The following CLVS1 variants were observed in gnomAD, a reference collection of about 807,000 sequenced individuals.
The protein encoded by CLVS1 is clavesin-1.
CLVS1 carries 10 observed loss-of-function variants against 33.1 expected under a neutral mutation model. The observed-to-expected ratio is 0.30, with a 90% confidence interval of 0.19 to 0.51. The LOEUF (loss-of-function observed/expected upper bound fraction) is 0.51. Among genes scored for constraint, CLVS1 ranks in the 20% least tolerant of loss-of-function variants. CLVS1 has a pLI of 0.97. For synonymous variants in CLVS1, 163 were observed against 166.1 expected (o/e 0.98, Z 0.14); for missense variants, 343 against 433.4 (o/e 0.79, Z 1.85).
At chr8:61,482,915 C>T (rs1027987182) in intron 5 of CLVS1, among the ~76,000 whole-genome samples, 3 of 150,488 alleles carry the variant, frequency 2.0e-5, no homozygotes, top group Non-Finnish European at 4.5e-5. Context: ...CACAACATAC[C>T]AGAATCTCTG....
chr8:61,460,988 G>A (rs1048329471), intron 5 of CLVS1, among the ~76,000 whole-genome samples: 1 of 152,190 alleles, frequency 6.6e-6, no homozygotes, highest in African/African-American at 2.4e-5. Flanking sequence ...TGAGCACAAT[G>A]GTTTTGGCAC....
intron 1 of CLVS1, among the ~76,000 whole-genome samples, chr8:61,108,400 C>T (rs113159600): frequency 1.3e-3 from 198 of 152,162 alleles, no homozygotes; most frequent in African/African-American, 4.3e-3. Context: ...GACAACTAGT[C>T]GATTTTGCAA....
At chr8:61,008,696 A>G in the CLVS1 span, among the ~76,000 whole-genome samples, 2 of 152,140 alleles carry the variant, frequency 1.3e-5, no homozygotes, top group African/African-American at 4.8e-5. Context: ...AGAAACAGAG[A>G]TGTTAGAGAT....
chr8:61,259,049 G>C (rs556944054), intron 2 of CLVS1, among the ~76,000 whole-genome samples: 14 of 152,148 alleles, frequency 9.2e-5, no homozygotes, highest in African/African-American at 3.1e-4. Context: ...AGAATTCTAT[G>C]GTCAAACTAC....
chr8:61,270,761 G>T (rs981768355), intron 2 of CLVS1, among the ~76,000 whole-genome samples: 1 of 152,110 alleles, frequency 6.6e-6, no homozygotes, highest in Non-Finnish European at 1.5e-5. Context: ...ATGTGTCGAG[G>T]AATTTATCCA....
chr8:61,445,691 G>T (rs2129606489), intron 3 of CLVS1, among the ~76,000 whole-genome samples: 1 of 152,294 alleles, frequency 6.6e-6, no homozygotes, highest in Middle Eastern at 3.4e-3. Context: ...AAACCAACTG[G>T]AAAGTGTTAC....
chr8:61,182,874 A>G (rs1335587353), intron 2 of CLVS1, among the ~76,000 whole-genome samples: 1 of 136,514 alleles, frequency 7.3e-6, no homozygotes, highest in Non-Finnish European at 1.7e-5. Flanking sequence ...ACTATTTACA[A>G]TAGCAATGAC....
chr8:61,334,506 C>T (rs921078423), intron 2 of CLVS1, among the ~76,000 whole-genome samples: 15 of 152,184 alleles, frequency 9.9e-5, no homozygotes, highest in South Asian at 2.1e-4. Context: ...GGGATTTCTC[C>T]GCCTTTGCTG....
chr8:61,017,149 T>C, the CLVS1 span, among the ~76,000 whole-genome samples: 2 of 152,172 alleles, frequency 1.3e-5, no homozygotes, highest in African/African-American at 4.8e-5. Flanking sequence ...CCTGGTGGGA[T>C]TTTTGGGCTC....
At chr8:61,479,482 G>A (rs139209673) in intron 5 of CLVS1, among the ~76,000 whole-genome samples, 2,742 of 152,122 alleles carry the variant, frequency 0.018, 76 homozygotes, top group African/African-American at 0.062. Context: ...TTAGCCATTC[G>A]TCTAATTTTT....
At chr8:61,142,161 G>A (rs1024663589) in intron 2 of CLVS1, among the ~76,000 whole-genome samples, 4 of 152,186 alleles carry the variant, frequency 2.6e-5, no homozygotes, top group African/African-American at 9.7e-5. Context: ...GAGCGACGTG[G>A]TGGGAGATGA....
intron 1 of CLVS1, among the ~76,000 whole-genome samples, chr8:61,116,160 C>T (rs2129289016): frequency 6.6e-6 from 1 of 152,180 alleles, no homozygotes; most frequent in African/African-American, 2.4e-5. Flanking sequence ...TTTTTGGCTG[C>T]ATAAATGTCT....
At chr8:61,362,665 T>C (rs988807655) in intron 2 of CLVS1, among the ~76,000 whole-genome samples, 1 of 152,168 alleles carries the variant, frequency 6.6e-6, no homozygotes, top group African/African-American at 2.4e-5. Flanking sequence ...GGTCCCCCAA[T>C]TGGAAAGGAG....
rs538311127 is a variant in CLVS1, at chr8:61,303,763, G to A, written c.455+3481G>A. Among the ~76,000 whole-genome samples the A allele has an allele frequency of 9.2e-5, 14 of 152,328 alleles. No homozygotes were observed. The East Asian group carries it at 2.5e-3, about 27-fold the overall frequency. On this transcript the variant is annotated intron_variant, in intron 2 of 5. Coordinates refer to ENST00000325897, the MANE Select transcript of CLVS1 (RefSeq NM_173519.3). ...TCTCATCTGTAAGTTGGGAATGAGA[G>A]TGATGTCTATCTAACAGTATGGTTG... is the stretch of plus-strand genomic sequence containing the variant.
intron 3 of CLVS1, among the ~76,000 whole-genome samples, chr8:61,407,704 C>T (rs1812689): frequency 6.6e-6 from 1 of 152,048 alleles, no homozygotes; most frequent in African/African-American, 2.4e-5. Flanking sequence ...TTAAATATGC[C>T]TTATAATGCA....
chr8:61,407,031 G>A (rs371283711), intron 3 of CLVS1, among the ~76,000 whole-genome samples: 2 of 152,156 alleles, frequency 1.3e-5, no homozygotes, highest in South Asian at 4.2e-4. Context: ...CATTTTAATA[G>A]GATAAGATTT....
intron 3 of CLVS1, among the ~76,000 whole-genome samples, chr8:61,425,913 C>T (rs913782062): frequency 2.0e-5 from 3 of 152,164 alleles, no homozygotes; most frequent in African/African-American, 7.2e-5. Flanking sequence ...AGATACAACA[C>T]CATTTTGCAT....
At chr8:61,280,666 T>TTTG (rs1809651901) in intron 2 of CLVS1, among the ~76,000 whole-genome samples, 1 of 152,244 alleles carries the variant, frequency 6.6e-6, no homozygotes, top group Non-Finnish European at 1.5e-5. Flanking sequence ...TCCGTGGGCC[T>TTTG]TTGCCTTATT....
intron 1 of CLVS1, among the ~76,000 whole-genome samples, chr8:61,058,353 G>T (rs182137917): frequency 1.4e-4 from 22 of 152,314 alleles, no homozygotes; most frequent in Admixed American, 3.3e-4. Flanking sequence ...TGGGGCTACA[G>T]CTACAGATCA....
Sources: gnomAD v4.1 joint callset for allele counts (sites outside exome capture counted in the v4.1 genomes callset) on GRCh38, gnomAD v4.1.1 for gene constraint, MANE v1.5 for transcripts, NCBI Gene and HGNC (gene_info 2026-07-23, HGNC 2026-07-21) for gene names.